GTF2H1: variants seen among roughly 807,000 people sequenced by gnomAD.
GTF2H1 encodes the protein general transcription factor IIH subunit 1.
In GTF2H1, 16 loss-of-function variants were observed where a neutral mutation model predicts 71.2. The ratio of observed to expected loss-of-function variants is 0.22; its 90% CI spans 0.15 to 0.34. The LOEUF (loss-of-function observed/expected upper bound fraction) is 0.34, where lower values mean the gene tolerates loss of function less well. Ranked by LOEUF, GTF2H1 falls within the 10% of genes least tolerant of loss-of-function variation. The pLI, the probability that GTF2H1 is intolerant of heterozygous loss-of-function variation, is 1.00. For synonymous variants in GTF2H1, 215 were observed against 219.0 expected (o/e 0.98, Z 0.16); for missense variants, 498 against 648.2 (o/e 0.77, Z 2.52).
intron 11 of GTF2H1, among the ~76,000 whole-genome samples, chr11:18,355,733 T>G (rs771592175): frequency 6.6e-6 from 1 of 152,036 alleles, no homozygotes; most frequent in African/African-American, 2.4e-5. Context: ...CAGGCTGGTC[T>G]CGAACTCCTG....
chr11:18,343,068 C>T (rs1282220313), intron 7 of GTF2H1, among the ~76,000 whole-genome samples: 2 of 152,100 alleles, frequency 1.3e-5, no homozygotes, highest in African/African-American at 4.8e-5. Flanking sequence ...ATCACAGGCA[C>T]ATGCCACCAC....
chr11:18,345,498 TC>T (rs1565012047), intron 7 of GTF2H1, among the ~76,000 whole-genome samples: 3 of 149,666 alleles, frequency 2.0e-5, no homozygotes, highest in Admixed American at 6.7e-5. Context: ...AGCATATGGA[TC>T]TTTTTTTTTT....
chr11:18,358,117 T>G, intron 12 of GTF2H1, 75 bp downstream of exon 12: 4 of 915,906 alleles, frequency 4.4e-6, no homozygotes, highest in Non-Finnish European at 7.0e-6. Context: ...AGTGCTGAAC[T>G]TTTATTGGTT....
chr11:18,358,425 A>G, intron 12 of GTF2H1, 100 bp from the exon 13 acceptor site: 1 of 663,872 alleles, frequency 1.5e-6, no homozygotes. Flanking sequence ...GGCATTGACA[A>G]AGAGTACACA....
intron 13 of GTF2H1, among the ~76,000 whole-genome samples, chr11:18,360,413 G>T (rs535976191): frequency 6.6e-6 from 1 of 152,076 alleles, no homozygotes; most frequent in Non-Finnish European, 1.5e-5. Flanking sequence ...GAGCCACCAC[G>T]TCTGGCCAAA....
At position 18,341,662 on chromosome 11, in the gene GTF2H1, C is replaced by T. The variant is rs1865159765; in HGVS notation, c.837+55C>T. The T allele has an allele frequency of 1.3e-4, 143 of 1,133,186 alleles. 2 individuals carry two copies. The South Asian group carries it at 1.8e-3, about 14-fold the overall frequency. 70.2% of individuals were successfully genotyped at this position (1,133,186 alleles called of 1,614,324 possible). ...AAAAGAGTCTTTTCCTAGTCTTCAA[C>T]ATTGTCTTAAGCGTAGTAGACCTAT... On this transcript the variant is annotated intron_variant, in intron 7 of 14. Transcript: ENST00000265963.
chr11:18,354,893 C>A (rs1865506785), intron 11 of GTF2H1, among the ~76,000 whole-genome samples: 1 of 151,924 alleles, frequency 6.6e-6, no homozygotes, highest in Non-Finnish European at 1.5e-5. Flanking sequence ...ACTGCAACCT[C>A]CACCTCCCTG....
intron 1 of GTF2H1, among the ~76,000 whole-genome samples, chr11:18,332,356 A>T (rs1864920319): frequency 6.6e-6 from 1 of 152,188 alleles, no homozygotes; most frequent in Non-Finnish European, 1.5e-5. Flanking sequence ...CTGAGTCCAG[A>T]CAGCCACACT....
rs1865628140 is a variant in GTF2H1 at position 18,358,773 on chromosome 11, T to C, written c.1467+133T>C. The C allele has an allele frequency of 4.9e-6, 3 of 612,722 alleles. No homozygotes were observed. The South Asian group carries it at 6.1e-5, about 13-fold the overall frequency. The allele number at this position is 612,722 out of a possible 1,614,324, so 38.0% of individuals were successfully genotyped here. ...ACTCTTTTGCATACATCGTTTCATG[T>C]AAACCTCACAGCATCTTTATGGAGT... On this transcript the variant is annotated intron_variant, in intron 13 of 14. Coordinates refer to ENST00000265963, the MANE Select transcript of GTF2H1 (RefSeq NM_005316.4).
chr11:18,332,585 A>C (rs1864925567), intron 1 of GTF2H1: 1 of 152,394 alleles, frequency 6.6e-6, no homozygotes. Flanking sequence ...ATACAGAAGA[A>C]ACAGACCAGA....
intron 7 of GTF2H1, among the ~76,000 whole-genome samples, chr11:18,346,652 C>T (rs1330578039): frequency 2.0e-5 from 3 of 150,924 alleles, no homozygotes; most frequent in East Asian, 2.0e-4. Flanking sequence ...CCTAGATTAA[C>T]GTTAGAAAAA....
At chr11:18,346,273 A>G (rs1865291202) in intron 7 of GTF2H1, among the ~76,000 whole-genome samples, 1 of 151,924 alleles carries the variant, frequency 6.6e-6, no homozygotes, top group Admixed American at 6.6e-5. Context: ...CTGGACTTGA[A>G]CTCTTCGGCT....
At chr11:18,332,357 C>T (rs1864920379) in intron 1 of GTF2H1, among the ~76,000 whole-genome samples, 1 of 152,208 alleles carries the variant, frequency 6.6e-6, no homozygotes, top group Non-Finnish European at 1.5e-5. Context: ...TGAGTCCAGA[C>T]AGCCACACTC....
At chr11:18,365,675 AC>A in intron 14 of GTF2H1, 107 bp from the exon 15 acceptor site, 1 of 726,870 alleles carries the variant, frequency 1.4e-6, no homozygotes, top group South Asian at 1.5e-5. Flanking sequence ...CTGGGGAAAT[AC>A]AGAGGAGCTC....
At chr11:18,346,733 CTTTTTTTT>C (rs35494754) in intron 7 of GTF2H1, among the ~76,000 whole-genome samples, 3 of 85,216 alleles carry the variant, frequency 3.5e-5, no homozygotes, top group Non-Finnish European at 6.2e-5. Context: ...TTTTTATTTA[CTTTTTTTT>C]TTTTTTTTTT....
intron 9 of GTF2H1, among the ~76,000 whole-genome samples, chr11:18,350,003 TC>T (rs1865389517): frequency 6.6e-6 from 1 of 152,196 alleles, no homozygotes; most frequent in African/African-American, 2.4e-5. Context: ...AAATATGGTT[TC>T]TCTACTGAAT....
intron 1 of GTF2H1, among the ~76,000 whole-genome samples, chr11:18,331,073 G>C (rs533596251): frequency 6.6e-6 from 1 of 152,058 alleles, no homozygotes; most frequent in South Asian, 2.1e-4. Flanking sequence ...TTTGAGGCAG[G>C]GTTTCACTTT....
intron 14 of GTF2H1, among the ~76,000 whole-genome samples, chr11:18,363,600 A>G (rs986952525): frequency 2.0e-5 from 3 of 152,230 alleles, no homozygotes; most frequent in South Asian, 2.1e-4. Flanking sequence ...ATCATCAGCA[A>G]GATTTTTCAT....
chr11:18,357,069 T>C (rs1554956588), intron 11 of GTF2H1, among the ~76,000 whole-genome samples: 1 of 152,180 alleles, frequency 6.6e-6, no homozygotes, highest in Non-Finnish European at 1.5e-5. Flanking sequence ...CTCATGGTTG[T>C]CCCATACTGT....
Sources: gnomAD v4.1 joint callset for allele counts (sites outside exome capture counted in the v4.1 genomes callset) on GRCh38, gnomAD v4.1.1 for gene constraint, MANE v1.5 for transcripts, NCBI Gene and HGNC (gene_info 2026-07-23, HGNC 2026-07-21) for gene names.